BCAP29: variants seen among roughly 807,000 people sequenced by gnomAD.
The protein encoded by BCAP29 is B cell receptor associated protein 29, also known as B-cell receptor-associated protein 29.
A neutral mutation model predicts 31.8 loss-of-function variants in BCAP29; 34 were observed. The observed-to-expected ratio is 1.07, with a 90% CI of 0.81 to 1.42. The LOEUF is 1.42. Ranked by LOEUF, BCAP29 falls within the 40% of genes most tolerant of loss-of-function variation. BCAP29 has a pLI of 0.00. For synonymous variants in BCAP29, 104 were observed against 91.3 expected, an observed-to-expected ratio of 1.14 and a Z score of -0.79; for missense variants, 314 against 269.2, an observed-to-expected ratio of 1.17 and a Z score of -1.16.
rs117143299 is a variant in BCAP29, at chr7:107,607,102, C to T, written c.590-6230C>T. Among the ~76,000 whole-genome samples the T allele has an allele frequency of 1.8e-3, 277 of 152,210 alleles. 1 individual carries two copies. The East Asian group carries it at 0.028, about 16-fold the overall frequency. The stretch of plus-strand genomic sequence containing the variant: ...GGCCGGGGCAGGTGGATCATTTGAG[C>T]TCAGGAGTTTGAGGCCAGCCTGGCC... On this transcript the variant is annotated intron_variant, in intron 6 of 7. Transcript: ENST00000005259.
At chr7:107,597,418 A>C (rs768654902) in intron 5 of BCAP29, among the ~76,000 whole-genome samples, 1 of 152,166 alleles carries the variant, frequency 6.6e-6, no homozygotes, top group Non-Finnish European at 1.5e-5. Context: ...TCCAGTGGAA[A>C]CTGCATTACC....
intron 6 of BCAP29, among the ~76,000 whole-genome samples, chr7:107,605,346 C>T (rs1335834742): frequency 2.6e-5 from 4 of 152,272 alleles, no homozygotes; most frequent in Middle Eastern, 6.8e-3. Flanking sequence ...ACAGTTTGTT[C>T]TCAGAAGAGC....
chr7:107,580,958 C>T, intron 2 of BCAP29, 94 bp downstream of exon 2: 1 of 876,876 alleles, frequency 1.1e-6, no homozygotes, highest in African/African-American at 1.8e-5. Flanking sequence ...TTTCGAAAGT[C>T]TTTGAAAATA....
chr7:107,592,218 C>A lies in BCAP29; in HGVS notation c.194-1737C>A, dbSNP rs939020624. On this transcript the variant is annotated intron_variant, in intron 3 of 7. Transcript: ENST00000005259. The stretch of plus-strand genomic sequence containing the variant: ...TAAAATTCTCAGTTTGAAAAAAATT[C>A]TATGAAAGACATTTGGGAGACAAAT... Among the ~76,000 whole-genome samples, 5 of 152,070 alleles carry A rather than the reference C, an allele frequency of 3.3e-5. No homozygotes were observed. The South Asian group carries it at 1.0e-3, about 32-fold the overall frequency.
intron 2 of BCAP29, among the ~76,000 whole-genome samples, chr7:107,583,199 T>G (rs1230863450): frequency 1.3e-5 from 2 of 152,170 alleles, no homozygotes; most frequent in Non-Finnish European, 2.9e-5. Context: ...AACCCATGCT[T>G]TCTTACCACT....
chr7:107,604,577 A>G (rs992787321), intron 6 of BCAP29, among the ~76,000 whole-genome samples: 5 of 152,106 alleles, frequency 3.3e-5, no homozygotes, highest in Non-Finnish European at 7.4e-5. Flanking sequence ...ACGTGAACTT[A>G]GTTATCTTTT....
chr7:107,580,664 C>CT, intron 1 of BCAP29, 95 bp from the exon 2 acceptor site: 1 of 797,540 alleles, frequency 1.3e-6, no homozygotes, highest in Non-Finnish European at 2.0e-6. Context: ...AGGTGGAACA[C>CT]TGTCCATCCC....
intron 3 of BCAP29, among the ~76,000 whole-genome samples, chr7:107,591,003 A>T (rs1274377275): frequency 6.6e-6 from 1 of 152,212 alleles, no homozygotes; most frequent in East Asian, 1.9e-4. Context: ...GGCAAATGAC[A>T]TTTTTAAAAA....
At chr7:107,592,650 A>G (rs1274934611) in intron 3 of BCAP29, among the ~76,000 whole-genome samples, 1 of 152,264 alleles carries the variant, frequency 6.6e-6, no homozygotes, top group African/African-American at 2.4e-5. Context: ...TAGCAGCGTT[A>G]TTCATAATAG....
At position 107,585,433 on chromosome 7, in the gene BCAP29, C is replaced by G. The variant is rs554403952; in HGVS notation, c.193+1451C>G. Reference sequence around the variant, plus strand: ...ATGGATTGAATCTCTAGCCATATAACTAGTTATGAGAAGTCAGTAAAGAAC... The same window carrying G: ...ATGGATTGAATCTCTAGCCATATAAGTAGTTATGAGAAGTCAGTAAAGAAC... On this transcript the variant is annotated intron_variant, in intron 3 of 7. Transcript: ENST00000005259. 5.3e-5 allele frequency among the ~76,000 whole-genome samples: 8 copies of G among 152,230 alleles called. No homozygotes were observed. The South Asian group carries it at 1.7e-3, about 32-fold the overall frequency.
At position 107,614,924 on chromosome 7, in the gene BCAP29, GT is replaced by G. The variant is rs557064080; in HGVS notation, c.690+1493del. Among the ~76,000 whole-genome samples the G allele has an allele frequency of 1.3e-3, 205 of 152,320 alleles. 1 individual carries two copies. The highest frequency in any genetic ancestry group is 2.2e-3 in the Non-Finnish European group (151 of 68,030). On this transcript the variant is annotated intron_variant, in intron 7 of 7. Transcript: ENST00000005259. ...TATCTTTCAAGGTCCACCTTGGAAA[GT>G]GAAGAAGTCACTTCAGAGACCTCTT...
At chr7:107,592,434 C>A (rs1385577782) in intron 3 of BCAP29, among the ~76,000 whole-genome samples, 2 of 152,136 alleles carry the variant, frequency 1.3e-5, no homozygotes, top group African/African-American at 4.8e-5. Flanking sequence ...AATATAATAA[C>A]AAGTGTTGCT....
chr7:107,607,794 C>CA, intron 6 of BCAP29, among the ~76,000 whole-genome samples: 1 of 151,954 alleles, frequency 6.6e-6, no homozygotes. Flanking sequence ...CACACACCAC[C>CA]ATGCCCAGCT....
In BCAP29 at chr7:107,620,441, A is replaced by G. The variant is rs952536626; in HGVS notation, c.*2078A>G. The G allele has an allele frequency of 6.6e-6, 1 of 152,176 alleles. No homozygotes were observed. The highest frequency in any genetic ancestry group is 1.5e-5 in the Non-Finnish European group (1 of 68,044). The allele number at this position is 152,176 out of a possible 1,614,324, so 9.4% of individuals were successfully genotyped here. ...CCTTAATAATGGTGGTGTTTAGCAA[A>G]TTGTATTACATAAATAAATATTTAT... On this transcript the variant is annotated 3_prime_UTR_variant, in exon 8 of 8. Coordinates refer to ENST00000005259, the MANE Select transcript of BCAP29 (RefSeq NM_018844.4).
chr7:107,580,624 G>C, intron 1 of BCAP29, 135 bp from the exon 2 acceptor site: 1 of 610,504 alleles, frequency 1.6e-6, no homozygotes, highest in Non-Finnish European at 2.8e-6. Context: ...TTCCTGACCG[G>C]GGTCCGTGCT....
At chr7:107,589,767 A>G (rs756003521) in intron 3 of BCAP29, among the ~76,000 whole-genome samples, 1 of 152,220 alleles carries the variant, frequency 6.6e-6, no homozygotes, top group Non-Finnish European at 1.5e-5. Context: ...CTCAATAAAT[A>G]CAAAGGATTG....
intron 6 of BCAP29, among the ~76,000 whole-genome samples, chr7:107,602,663 G>T (rs1245779615): frequency 1.3e-5 from 2 of 151,540 alleles, no homozygotes; most frequent in Non-Finnish European, 2.9e-5. Flanking sequence ...GTGTATTATT[G>T]GAAACAAAAC....
At position 107,602,246 on chromosome 7, in the gene BCAP29, G is replaced by A. The variant is rs528501387; in HGVS notation, c.589+1741G>A. ...AAGACATATAATATTTTATGAACAT[G>A]TTTTATTTACCCTAAGTTTTTTTAA... On this transcript the variant is annotated intron_variant, in intron 6 of 7. Transcript: ENST00000005259. Among the ~76,000 whole-genome samples, 3 of 152,218 alleles carry A rather than the reference G, an allele frequency of 2.0e-5. No homozygotes were observed. In the East Asian group the frequency reaches 5.8e-4, roughly 29 times the overall value.
At position 107,618,422 on chromosome 7, in the gene BCAP29, C is replaced by T; in HGVS notation, c.*59C>T. On this transcript the variant is annotated 3_prime_UTR_variant, in exon 8 of 8. Transcript: ENST00000005259. ...AAAATGATAATTTTGTTATGTTAGC[C>T]TCTAGAAAATTTAAGTTCAGAAAAA... is the stretch of plus-strand genomic sequence containing the variant. 1 of 1,612,420 alleles carries T rather than the reference C, an allele frequency of 6.2e-7. No homozygotes were observed. Among genetic ancestry groups the T allele is most frequent in the Non-Finnish European group, 8.5e-7 (1 of 1,179,040 alleles).
Sources: gnomAD v4.1 joint callset for allele counts (sites outside exome capture counted in the v4.1 genomes callset) on GRCh38, gnomAD v4.1.1 for gene constraint, MANE v1.5 for transcripts, NCBI Gene and HGNC (gene_info 2026-07-23, HGNC 2026-07-21) for gene names.